Variants in ITPR2 observed in about 807,000 individuals in gnomAD.
The protein encoded by ITPR2 is inositol 1,4,5-trisphosphate receptor type 2.
Under a neutral mutation model 317.1 loss-of-function variants are expected in ITPR2, and 207 were observed. The ratio of observed to expected loss-of-function variants is 0.65; its 90% CI spans 0.58 to 0.73. The LOEUF is 0.73. ITPR2 is among the 30% of genes least tolerant of loss of function. The pLI, the probability that ITPR2 is intolerant of heterozygous loss-of-function variation, is 0.00. For synonymous variants in ITPR2, 1,156 were observed against 1,149.1 expected, an observed-to-expected ratio of 1.01 and a Z score of -0.12; for missense variants, 2,613 against 3,284.0, an observed-to-expected ratio of 0.80 and a Z score of 4.99.
rs1491173931 is a variant in ITPR2 at position 26,391,555 on chromosome 12, C to CTTTTTTTTTTTTTTTTTTTTTTTTTTTT, written c.7697-3962_7697-3961insAAAAAAAAAAAAAAAAAAAAAAAAAAAA. 2.0e-4 allele frequency among the ~76,000 whole-genome samples: 14 copies of CTTTTTTTTTTTTTTTTTTTTTTTTTTTT among 70,856 alleles called. 6 individuals are homozygous for CTTTTTTTTTTTTTTTTTTTTTTTTTTTT. The highest frequency in any genetic ancestry group is 3.2e-4 in the African/African-American group (6 of 18,638). The allele number at this position is 70,856 out of a possible 152,430, so 46.5% of individuals were successfully genotyped here. A position where few individuals can be genotyped will look rare whatever the true frequency, so the allele number is the denominator to read the frequency against. Reference sequence around the variant, plus strand: ...AGCTTCTTCTTCTTCTTCTTCTTTTCCTTTTTTTTTTTTTTTTTTTTTTTT... The same window carrying CTTTTTTTTTTTTTTTTTTTTTTTTTTTT: ...AGCTTCTTCTTCTTCTTCTTCTTTTCTTTTTTTTTTTTTTTTTTTTTTTTTTTTCTTTTTTTTTTTTTTTTTTTTTTTT... On this transcript the variant is annotated intron_variant, in intron 54 of 56. Coordinates refer to ENST00000381340, the MANE Select transcript of ITPR2 (RefSeq NM_002223.4).
At chr12:26,360,045 A>T (rs143123882) in intron 55 of ITPR2, among the ~76,000 whole-genome samples, 1 of 152,086 alleles carries the variant, frequency 6.6e-6, no homozygotes, top group African/African-American at 2.4e-5. Flanking sequence ...CAAAGAGAAG[A>T]AGGAGGCCAC....
At chr12:26,622,208 C>T (rs780502694) in intron 25 of ITPR2, 32 bp downstream of exon 25, 2 of 1,581,720 alleles carry the variant, frequency 1.3e-6, no homozygotes, top group South Asian at 2.3e-5. Context: ...AGAGCTTTTG[C>T]TGTGGATGCA....
intron 52 of ITPR2, 139 bp from the exon 53 acceptor site, chr12:26,400,397 A>G: frequency 2.9e-6 from 1 of 348,280 alleles, no homozygotes; most frequent in South Asian, 1.2e-4. Context: ...ATGTAAATAT[A>G]CATACAATAA....
intron 20 of ITPR2, among the ~76,000 whole-genome samples, chr12:26,655,463 A>C (rs946159368): frequency 6.6e-6 from 1 of 151,806 alleles, no homozygotes; most frequent in African/African-American, 2.4e-5. Flanking sequence ...AAATACAAAA[A>C]ATTAGCCGGG....
At chr12:26,417,423 C>T (rs1477849421) in intron 50 of ITPR2, among the ~76,000 whole-genome samples, 1 of 152,116 alleles carries the variant, frequency 6.6e-6, no homozygotes, top group Non-Finnish European at 1.5e-5. Flanking sequence ...GAATTGTAAT[C>T]GCCATGTGTC....
At chr12:26,451,648 C>A (rs574552134) in intron 45 of ITPR2, among the ~76,000 whole-genome samples, 1 of 151,910 alleles carries the variant, frequency 6.6e-6, no homozygotes, top group African/African-American at 2.4e-5. Context: ...AAGAAATTTG[C>A]CAGAATTAAA....
At chr12:26,717,509 T>C (rs1948762516) in intron 5 of ITPR2, among the ~76,000 whole-genome samples, 1 of 152,218 alleles carries the variant, frequency 6.6e-6, no homozygotes, top group African/African-American at 2.4e-5. Flanking sequence ...TGGTCTCTAC[T>C]CATCACGTCC....
chr12:26,544,396 C>T (rs1373535043), intron 37 of ITPR2, among the ~76,000 whole-genome samples: 1 of 152,046 alleles, frequency 6.6e-6, no homozygotes, highest in Non-Finnish European at 1.5e-5. Context: ...CATTTAGTTA[C>T]ATTAAATATC....
Position 26,614,369 on chromosome 12 carries a change from G to C in ITPR2, c.3462+6754C>G, listed in dbSNP as rs73292151. On this transcript the variant is annotated intron_variant, in intron 26 of 56. Coordinates refer to ENST00000381340, the MANE Select transcript of ITPR2 (RefSeq NM_002223.4). ...AACCCAAAACTCCTGCCTTAAAATA[G>C]GTATATAGGATGGGAGTAATGTGGT... 6.3e-3 allele frequency among the ~76,000 whole-genome samples: 963 copies of C among 152,062 alleles called. 17 individuals carry two copies. Among genetic ancestry groups the C allele is most frequent in the African/African-American group, 0.021 (879 of 41,458 alleles).
chr12:26,494,099 G>A, intron 39 of ITPR2, 54 bp downstream of exon 39: 3 of 1,378,984 alleles, frequency 2.2e-6, no homozygotes, highest in Non-Finnish European at 3.0e-6. Flanking sequence ...TCTGTGACAA[G>A]TAAACAAGAA....
At chr12:26,429,220 C>T (rs1226013578) in intron 48 of ITPR2, among the ~76,000 whole-genome samples, 1 of 152,120 alleles carries the variant, frequency 6.6e-6, no homozygotes, top group African/African-American at 2.4e-5. Flanking sequence ...AACAAAAAAT[C>T]AGATAATGAA....
intron 34 of ITPR2, among the ~76,000 whole-genome samples, chr12:26,572,291 G>A (rs1945181517): frequency 1.3e-5 from 2 of 152,092 alleles, no homozygotes; most frequent in Non-Finnish European, 2.9e-5. Flanking sequence ...AGCAGACCAG[G>A]CCAGAATGAA....
chr12:26,612,725 C>G (rs1026410732), intron 26 of ITPR2, among the ~76,000 whole-genome samples: 1 of 152,184 alleles, frequency 6.6e-6, no homozygotes, highest in Admixed American at 6.5e-5. Context: ...GTGTCCCAAC[C>G]CAGCCTCTTG....
intron 47 of ITPR2, among the ~76,000 whole-genome samples, chr12:26,437,008 A>C (rs963096535): frequency 1.6e-4 from 25 of 152,254 alleles, no homozygotes; most frequent in African/African-American, 5.8e-4. Flanking sequence ...TTTGCTGCAT[A>C]TATTCAACAA....
chr12:26,604,244 T>C (rs1190500552), intron 26 of ITPR2, among the ~76,000 whole-genome samples: 2 of 152,226 alleles, frequency 1.3e-5, no homozygotes, highest in Non-Finnish European at 2.9e-5. Flanking sequence ...CAGCTTTATA[T>C]TTTTCTTTTG....
rs1403948722 is a variant in ITPR2 at position 26,605,139 on chromosome 12, A to G, written c.3463-2433T>C. Among the ~76,000 whole-genome samples the G allele has an allele frequency of 2.1e-5, 3 of 145,766 alleles. No individual in the cohort carries two copies. In the Admixed American group the frequency reaches 2.1e-4, roughly 10 times the overall value. ...ATAAAAAATAAAAATATATATATAT[A>G]TATGAGAAAGTGTTAAACTATACAT... is the stretch of plus-strand genomic sequence containing the variant. On this transcript the variant is annotated intron_variant, in intron 26 of 56. Coordinates refer to ENST00000381340, the MANE Select transcript of ITPR2 (RefSeq NM_002223.4).
chr12:26,566,111 G>A (rs1298083221), intron 34 of ITPR2, among the ~76,000 whole-genome samples: 1 of 132,708 alleles, frequency 7.5e-6, no homozygotes, highest in Non-Finnish European at 1.6e-5. Flanking sequence ...GTGAGGAAAG[G>A]AGAAGGAGAG....
chr12:26,587,650 C>T (rs772781404), intron 32 of ITPR2, among the ~76,000 whole-genome samples: 1 of 151,424 alleles, frequency 6.6e-6, no homozygotes. Context: ...TTATTCTGAG[C>T]AAGACAGGAA....
At chr12:26,651,942 T>C (rs1947265606) in intron 21 of ITPR2, among the ~76,000 whole-genome samples, 1 of 152,208 alleles carries the variant, frequency 6.6e-6, no homozygotes, top group Admixed American at 6.5e-5. Context: ...AGGGGTGCCC[T>C]TCCCTTACCT....
Sources: allele counts gnomAD v4.1 joint callset (sites outside exome capture counted in the v4.1 genomes callset), GRCh38; gene constraint gnomAD v4.1.1; transcripts MANE v1.5; gene names NCBI Gene and HGNC (gene_info 2026-07-23, HGNC 2026-07-21).